The following PPP3CA variants were observed in gnomAD, a reference collection of about 807,000 sequenced individuals.
PPP3CA encodes the protein CAM-PRP catalytic subunit.
Under a neutral mutation model 66.5 loss-of-function variants are expected in PPP3CA, and 14 were observed. The observed-to-expected ratio is 0.21, with a 90% CI of 0.14 to 0.33. PPP3CA has a LOEUF of 0.33. Ranked by LOEUF, PPP3CA falls within the 10% of genes least tolerant of loss-of-function variation. The pLI is 1.00. For missense variants in PPP3CA, 317 were observed against 639.5 expected (o/e 0.50, Z 5.44); for synonymous variants, 232 against 226.2 (o/e 1.03, Z -0.23).
At chr4:101,257,010 G>A (rs1033559361) in intron 1 of PPP3CA, among the ~76,000 whole-genome samples, 4 of 151,950 alleles carry the variant, frequency 2.6e-5, no homozygotes, top group East Asian at 1.9e-4. Flanking sequence ...GTAGGGAAGG[G>A]GTGGGATTAG....
intron 1 of PPP3CA, among the ~76,000 whole-genome samples, chr4:101,255,238 T>G (rs907863578): frequency 6.6e-6 from 1 of 151,854 alleles, no homozygotes; most frequent in African/African-American, 2.4e-5. Context: ...CCTAATTCAC[T>G]GCAAATCCAT....
chr4:101,195,150 C>T (rs1724744687), intron 2 of PPP3CA, among the ~76,000 whole-genome samples: 1 of 151,542 alleles, frequency 6.6e-6, no homozygotes. Flanking sequence ...CACCTATAAT[C>T]CCAGCTACTC....
At chr4:101,192,904 G>A (rs1724654917) in intron 2 of PPP3CA, among the ~76,000 whole-genome samples, 1 of 152,100 alleles carries the variant, frequency 6.6e-6, no homozygotes. Flanking sequence ...AGTTCTCAAT[G>A]CATATTCACA....
intron 1 of PPP3CA, among the ~76,000 whole-genome samples, chr4:101,275,861 G>GT (rs35746779): frequency 0.25 from 36,353 of 144,460 alleles, 5,616 homozygotes; most frequent in East Asian, 0.5. Flanking sequence ...TGTATGTGTG[G>GT]TTTTTTTTTT....
At chr4:101,339,286 A>G (rs772984819) in intron 1 of PPP3CA, among the ~76,000 whole-genome samples, 10 of 152,230 alleles carry the variant, frequency 6.6e-5, no homozygotes, top group Non-Finnish European at 1.3e-4. Flanking sequence ...AAATCTAGAC[A>G]ATAACTAAAA....
chr4:101,176,527 T>A (rs902744373), intron 2 of PPP3CA, among the ~76,000 whole-genome samples: 9 of 152,116 alleles, frequency 5.9e-5, no homozygotes, highest in African/African-American at 2.2e-4. Context: ...AGCCTCCTAA[T>A]CTGTAAGGCC....
At chr4:101,083,522 G>A (rs781513790) in intron 6 of PPP3CA, among the ~76,000 whole-genome samples, 1 of 152,146 alleles carries the variant, frequency 6.6e-6, no homozygotes, top group Non-Finnish European at 1.5e-5. Context: ...AAAACATTAG[G>A]AAAGTGTCCA....
intron 1 of PPP3CA, among the ~76,000 whole-genome samples, chr4:101,235,028 A>T (rs1726081763): frequency 6.6e-6 from 1 of 151,754 alleles, no homozygotes; most frequent in East Asian, 1.9e-4. Context: ...ATATATATAC[A>T]CACTACTAGT....
chr4:101,307,836 T>C (rs1255413787), intron 1 of PPP3CA, among the ~76,000 whole-genome samples: 1 of 152,216 alleles, frequency 6.6e-6, no homozygotes, highest in Non-Finnish European at 1.5e-5. Context: ...ACACTGCTTT[T>C]TTAAGGACAA....
At chr4:101,309,633 A>C (rs1276081377) in intron 1 of PPP3CA, among the ~76,000 whole-genome samples, 2 of 152,172 alleles carry the variant, frequency 1.3e-5, no homozygotes, top group Non-Finnish European at 2.9e-5. Flanking sequence ...AGCTAAACAG[A>C]AAAATATATA....
rs187617861 is a variant in PPP3CA, at chr4:101,181,005, T to G, written c.259+14911A>C. Among the ~76,000 whole-genome samples the G allele has an allele frequency of 6.1e-4, 93 of 152,184 alleles. 2 individuals are homozygous for G. In the East Asian group the frequency reaches 0.017, roughly 28 times the overall value. ...AGTTCAGGGTTACCGTGAGCTATGA[T>G]TGCACCACTACATTCCAGGTGAGTG... On this transcript the variant is annotated intron_variant, in intron 2 of 13. Coordinates refer to ENST00000394854, the MANE Select transcript of PPP3CA (RefSeq NM_000944.5).
intron 8 of PPP3CA, among the ~76,000 whole-genome samples, chr4:101,067,259 T>C (rs1018085421): frequency 1.3e-5 from 2 of 152,124 alleles, no homozygotes; most frequent in Admixed American, 6.6e-5. Flanking sequence ...AATCCACTCA[T>C]TTTTATAGTA....
chr4:101,294,971 T>C (rs1035809991), intron 1 of PPP3CA, among the ~76,000 whole-genome samples: 4 of 152,142 alleles, frequency 2.6e-5, no homozygotes, highest in Admixed American at 2.6e-4. Flanking sequence ...AGGCAATTAC[T>C]TAAGAAAAAG....
intron 6 of PPP3CA, among the ~76,000 whole-genome samples, chr4:101,090,881 TTATAA>T (rs1391782364): frequency 9.4e-6 from 1 of 106,612 alleles, no homozygotes; most frequent in Non-Finnish European, 2.0e-5. Context: ...TGTGTCTATA[TTATAA>T]TATACACACA....
chr4:101,206,973 C>T (rs973509463), intron 1 of PPP3CA, among the ~76,000 whole-genome samples: 1 of 151,932 alleles, frequency 6.6e-6, no homozygotes, highest in Non-Finnish European at 1.5e-5. Context: ...GGGAAGCTGG[C>T]GGCCCATATC....
chr4:101,256,226 A>G (rs533014744), intron 1 of PPP3CA, among the ~76,000 whole-genome samples: 1 of 151,946 alleles, frequency 6.6e-6, no homozygotes, highest in African/African-American at 2.4e-5. Context: ...CTCTGAATAG[A>G]GTCAGAGTCT....
intron 10 of PPP3CA, among the ~76,000 whole-genome samples, chr4:101,042,004 A>C (rs1365891324): frequency 6.6e-6 from 1 of 152,106 alleles, no homozygotes; most frequent in Non-Finnish European, 1.5e-5. Flanking sequence ...GCAAGCTTTC[A>C]CAGAAGGGTT....
chr4:101,205,282 G>A lies in PPP3CA; in HGVS notation c.59-9166C>T, dbSNP rs139344257. Among the ~76,000 whole-genome samples the A allele has an allele frequency of 4.6e-3, 694 of 151,696 alleles. 12 individuals carry two copies. Among genetic ancestry groups the A allele is most frequent in the African/African-American group, 0.016 (643 of 41,366 alleles). ...TTCCTTAGAAATGAGGAGTACCCAGGGATTCTGAAACTTTATTTAATCCAG... is the reference window on the plus strand; with the variant it reads ...TTCCTTAGAAATGAGGAGTACCCAGAGATTCTGAAACTTTATTTAATCCAG... On this transcript the variant is annotated intron_variant, in intron 1 of 13. Transcript: ENST00000394854.
At chr4:101,211,888 C>G (rs1725309883) in intron 1 of PPP3CA, among the ~76,000 whole-genome samples, 1 of 152,094 alleles carries the variant, frequency 6.6e-6, no homozygotes, top group African/African-American at 2.4e-5. Flanking sequence ...ATCTAATTGC[C>G]TATCTTCACA....
Sources: gnomAD v4.1 joint callset for allele counts (sites outside exome capture counted in the v4.1 genomes callset) on GRCh38, gnomAD v4.1.1 for gene constraint, MANE v1.5 for transcripts, NCBI Gene and HGNC (gene_info 2026-07-23, HGNC 2026-07-21) for gene names.